SPTBN1: variants seen among roughly 807,000 people sequenced by gnomAD.
SPTBN1 encodes the protein spectrin beta, non-erythrocytic 1.
SPTBN1 carries 32 observed loss-of-function variants against 266.4 expected under a neutral mutation model. The ratio of observed to expected loss-of-function variants is 0.12; its 90% CI spans 0.09 to 0.16. The LOEUF (loss-of-function observed/expected upper bound fraction) is 0.16. Among genes scored for constraint, SPTBN1 ranks in the 10% least tolerant of loss-of-function variants. The pLI is 1.00. For missense variants in SPTBN1, 2,296 were observed against 3,067.1 expected (o/e 0.75, Z 5.94); for synonymous variants, 1,336 against 1,162.2 (o/e 1.15, Z -3.04).
chr2:54,609,828 G>C (rs1677094184), intron 3 of SPTBN1, among the ~76,000 whole-genome samples: 1 of 152,070 alleles, frequency 6.6e-6, no homozygotes, highest in African/African-American at 2.4e-5. Context: ...TCATTGTCCA[G>C]GCCTTCTTTT....
At position 54,670,129 on chromosome 2, in the gene SPTBN1, T is replaced by C. The variant is rs887874041; in HGVS notation, c.*1560T>C. ...ACATAAATTTGAATTTCATATAACTTTGACATGCCATACAATATTTTGATT... is the reference window on the plus strand; with the variant it reads ...ACATAAATTTGAATTTCATATAACTCTGACATGCCATACAATATTTTGATT... On this transcript the variant is annotated 3_prime_UTR_variant, in exon 36 of 36. Transcript: ENST00000356805. 3.3e-5 allele frequency: 5 copies of C among 152,186 alleles called. No homozygotes were observed. The highest frequency in any genetic ancestry group is 2.1e-4 in the South Asian group (1 of 4,836). 9.4% of individuals were successfully genotyped at this position (152,186 alleles called of 1,614,324 possible).
rs542403508 is a variant in SPTBN1, at chr2:54,494,256, C to CT, written c.-47-32112dup. The stretch of plus-strand genomic sequence containing the variant: ...ATCATCCCTTTTAAAAAGGACTTAT[C>CT]TTTTAAGAGGATATTCCTCTGGTGC... On this transcript the variant is annotated intron_variant, in intron 1 of 35. Coordinates refer to ENST00000356805, the MANE Select transcript of SPTBN1 (RefSeq NM_003128.3). 7.0e-4 allele frequency among the ~76,000 whole-genome samples: 106 copies of CT among 152,292 alleles called. 1 individual carries two copies. Among genetic ancestry groups the CT allele is most frequent in the Non-Finnish European group, 1.3e-3 (90 of 68,012 alleles).
At chr2:54,503,932 A>G (rs1669413860) in intron 1 of SPTBN1, among the ~76,000 whole-genome samples, 1 of 152,184 alleles carries the variant, frequency 6.6e-6, no homozygotes, top group African/African-American at 2.4e-5. Flanking sequence ...ATAACAAACC[A>G]TATTCTGCAG....
chr2:54,597,141 T>G (rs971689811), intron 2 of SPTBN1, among the ~76,000 whole-genome samples: 2 of 152,220 alleles, frequency 1.3e-5, no homozygotes, highest in African/African-American at 4.8e-5. Flanking sequence ...AAGGATTTTA[T>G]AATTCACAAA....
In SPTBN1 at chr2:54,629,514, G is replaced by T; in HGVS notation, c.2380G>T (p.Ala794Ser). 6.2e-7 allele frequency: 1 copy of T among 1,614,114 alleles called. No individual in the cohort carries two copies. Among genetic ancestry groups the T allele is most frequent in the Non-Finnish European group, 8.5e-7 (1 of 1,180,044 alleles). Residue 794 changes from alanine to serine, a missense_variant, in exon 14 of 36, where the codon GCC (alanine) becomes TCC (serine). By Grantham distance (99) the Ala-to-Ser change is moderately conservative. Transcript: ENST00000356805. Reference protein sequence around the residue: ...KKHKDVAEEIANYRPTLDTLH... With the variant: ...KKHKDVAEEISNYRPTLDTLH... ...ACACAAGGACGTGGCGGAAGAGATCGCCAATTACAGGCCCACCCTTGACAC... is the reference window on the plus strand; with the variant it reads ...ACACAAGGACGTGGCGGAAGAGATCTCCAATTACAGGCCCACCCTTGACAC...
rs1407762513 is a variant in SPTBN1 at position 54,546,757 on chromosome 2, A to G, written c.148+20191A>G. On this transcript the variant is annotated intron_variant, in intron 2 of 35. Transcript: ENST00000356805. Reference sequence around the variant, plus strand: ...TGAGAGTTGGCAGGATTCCGAGTAAATATCTTTTTTCCTAAGGGTGGAAGA... The same window carrying G: ...TGAGAGTTGGCAGGATTCCGAGTAAGTATCTTTTTTCCTAAGGGTGGAAGA... The G allele has an allele frequency of 2.6e-5, 4 of 152,250 alleles. No individual in the cohort carries two copies. In the South Asian group the frequency reaches 8.3e-4, roughly 32 times the overall value. 9.4% of individuals were successfully genotyped at this position (152,250 alleles called of 1,614,324 possible). A position where few individuals can be genotyped will look rare whatever the true frequency, so the allele number is the denominator to read the frequency against.
At position 54,653,584 on chromosome 2, in the gene SPTBN1, G is replaced by A; in HGVS notation, c.5578-25G>A. ...GGGAAGGCCGCCATGGGCTGACCTG[G>A]CTCATCCCCTACATGGCTTCACAGG... On this transcript the variant is annotated intron_variant, in intron 26 of 35. Transcript: ENST00000356805. This position sits in a 1 kb window ranked among gnomAD's most constrained non-coding sequence, Gnocchi z 5.1. 1 of 1,610,416 alleles carries A rather than the reference G, an allele frequency of 6.2e-7. No homozygotes were observed. Among genetic ancestry groups the A allele is most frequent in the Non-Finnish European group, 8.5e-7 (1 of 1,179,150 alleles).
rs1676309365 is a variant in SPTBN1 at position 54,599,221 on chromosome 2, A to G, written c.278A>G (p.Glu93Gly). ...GGACGGATGCTCATCAAGCTGCTGG[A>G]GGTCCTCTCTGGAGAGAGGCTGGTG... ...RDGRMLIKLLEVLSGERLPKP... is the reference protein window; with the variant it reads ...RDGRMLIKLLGVLSGERLPKP... Residue 93 changes from glutamate to glycine, a missense_variant, in exon 3 of 36, where the codon GAG becomes GGG. Around this residue, in one of 12 missense-constraint regions of SPTBN1, gnomAD observed 178 missense variants for 375.7 expected, o/e 0.47. Transcript: ENST00000356805. 6.2e-7 allele frequency: 1 copy of G among 1,614,048 alleles called. No individual in the cohort carries two copies. The highest frequency in any genetic ancestry group is 1.1e-5 in the South Asian group (1 of 91,088).
chr2:54,456,731 A>G (rs1298790195), intron 1 of SPTBN1, among the ~76,000 whole-genome samples: 15 of 149,642 alleles, frequency 1.0e-4, no homozygotes, highest in Non-Finnish European at 1.5e-5. Context: ...GCGGGTGCTC[A>G]TTGGTACTCG....
chr2:54,618,798 T>C (rs898729369), intron 7 of SPTBN1, among the ~76,000 whole-genome samples: 1 of 152,116 alleles, frequency 6.6e-6, no homozygotes, highest in Non-Finnish European at 1.5e-5. Context: ...AAGGGGAGTG[T>C]AGGGGTGGAA....
chr2:54,662,279 T>C (rs1466127725), intron 32 of SPTBN1: 37 of 985,368 alleles, frequency 3.8e-5, no homozygotes, highest in Non-Finnish European at 4.2e-5. Flanking sequence ...TTAAAGCACA[T>C]GTCCATTAAA....
chr2:54,516,113 AG>A (rs972511331), intron 1 of SPTBN1: 1 of 152,194 alleles, frequency 6.6e-6, no homozygotes, highest in Non-Finnish European at 1.5e-5. Flanking sequence ...CCACTATTAA[AG>A]GGTTCTTGCC....
At chr2:54,592,197 A>G (rs1053179132) in intron 2 of SPTBN1, among the ~76,000 whole-genome samples, 2 of 152,184 alleles carry the variant, frequency 1.3e-5, no homozygotes, top group Non-Finnish European at 2.9e-5. Flanking sequence ...AAAAATATAA[A>G]TTAAAAAATT....
chr2:54,492,508 G>A (rs1035836331), intron 1 of SPTBN1, among the ~76,000 whole-genome samples: 2 of 152,122 alleles, frequency 1.3e-5, no homozygotes, highest in Admixed American at 1.3e-4. Context: ...TGTCATTCCT[G>A]TGACCTCACT....
intron 1 of SPTBN1, among the ~76,000 whole-genome samples, chr2:54,484,276 T>C (rs1057289150): frequency 6.6e-6 from 1 of 152,130 alleles, no homozygotes; most frequent in African/African-American, 2.4e-5. Context: ...ATCGGGGCCC[T>C]CCTAGGACTT....
At chr2:54,538,555 G>T (rs1308874080) in intron 2 of SPTBN1, among the ~76,000 whole-genome samples, 1 of 152,196 alleles carries the variant, frequency 6.6e-6, no homozygotes, top group African/African-American at 2.4e-5. Context: ...TCATCCTCTG[G>T]TTGAGAAATA....
intron 2 of SPTBN1, among the ~76,000 whole-genome samples, chr2:54,563,606 T>C (rs886256386): frequency 1.5e-5 from 2 of 131,098 alleles, no homozygotes; most frequent in African/African-American, 5.7e-5. Context: ...TTTTTTTTTT[T>C]TTTTTTTTTT....
chr2:54,470,187 C>G (rs1270497281), intron 1 of SPTBN1, among the ~76,000 whole-genome samples: 1 of 152,152 alleles, frequency 6.6e-6, no homozygotes, highest in African/African-American at 2.4e-5. Flanking sequence ...AGAGAGAAGG[C>G]TGATGTATCG....
chr2:54,578,790 G>C (rs1010771889), intron 2 of SPTBN1, among the ~76,000 whole-genome samples: 1 of 151,334 alleles, frequency 6.6e-6, no homozygotes, highest in Non-Finnish European at 1.5e-5. Context: ...TGATAATTCT[G>C]ATGTGTGTGT....
Sources: gnomAD v4.1 joint callset for allele counts (sites outside exome capture counted in the v4.1 genomes callset) on GRCh38, gnomAD v4.1.1 for gene constraint, gnomAD v4.1.1 regional missense constraint, Gnocchi (gnomAD v3.1) non-coding constraint, MANE v1.5 for transcripts, NCBI Gene and HGNC (gene_info 2026-07-23, HGNC 2026-07-21) for gene names.